Variants in CAPN6 observed in about 807,000 individuals in gnomAD.
CAPN6 encodes the protein calpain-6.
Under a neutral mutation model 46.0 loss-of-function variants are expected in CAPN6, and 16 were observed. That is an observed-to-expected ratio of 0.35 (90% CI 0.24 to 0.53). The LOEUF (loss-of-function observed/expected upper bound fraction) is 0.53, where lower values mean the gene tolerates loss of function less well. Among genes scored for constraint, CAPN6 ranks in the 20% least tolerant of loss-of-function variants. CAPN6 has a pLI of 0.94. For missense variants in CAPN6, 461 were observed against 498.0 expected (o/e 0.93, Z 0.71); for synonymous variants, 206 against 172.8 (o/e 1.19, Z -1.51).
At chrX:111,259,679 A>T (rs1380460645) in intron 2 of CAPN6, among the ~76,000 whole-genome samples, 10 of 112,123 alleles carry the variant, frequency 8.9e-5, no homozygotes. Context: ...TGAACTTAAA[A>T]CTTGACAGGA....
intron 1 of CAPN6, 137 bp from the exon 2 acceptor site, chrX:111,264,088 A>G: frequency 7.6e-6 from 3 of 392,759 alleles, no homozygotes; most frequent in Middle Eastern, 7.1e-4. Context: ...TTTAAAGGAA[A>G]TGTCACCATT....
intron 2 of CAPN6, 55 bp downstream of exon 2, chrX:111,263,717 G>A (rs1358023521): frequency 1.2e-5 from 13 of 1,048,806 alleles, no homozygotes; most frequent in East Asian, 3.1e-5. Context: ...AGTGGATCAC[G>A]TAGAAGTATG....
At chrX:111,265,669 C>T (rs939947312) in intron 1 of CAPN6, among the ~76,000 whole-genome samples, 3 of 112,023 alleles carry the variant, frequency 2.7e-5, no homozygotes, top group Non-Finnish European at 5.6e-5. Flanking sequence ...AACACTACTG[C>T]GCCTCTTGCT....
At chrX:111,251,509 G>A (rs372279081) in intron 6 of CAPN6, 40 bp downstream of exon 6, 6 of 1,083,410 alleles carry the variant, frequency 5.5e-6, no homozygotes, top group Middle Eastern at 2.9e-4. Flanking sequence ...AGAACTACAG[G>A]GCTTTGGAGA....
intron 2 of CAPN6, among the ~76,000 whole-genome samples, chrX:111,262,173 G>A (rs905572471): frequency 4.5e-5 from 5 of 111,979 alleles, no homozygotes; most frequent in Admixed American, 1.9e-4. Flanking sequence ...TTTTCTTGCA[G>A]GTCAGCTAAG....
At chrX:111,258,730 T>C (rs2094985709) in intron 2 of CAPN6, among the ~76,000 whole-genome samples, 1 of 111,970 alleles carries the variant, frequency 8.9e-6, no homozygotes. Flanking sequence ...ACTTCCAAAC[T>C]GGGCCACCAA....
chrX:111,252,911 T>C, intron 4 of CAPN6, 97 bp downstream of exon 4: 2 of 709,968 alleles, frequency 2.8e-6, no homozygotes, highest in Non-Finnish European at 4.2e-6. Context: ...CAACTTAAAC[T>C]CCAGGGTTGG....
intron 10 of CAPN6, among the ~76,000 whole-genome samples, chrX:111,248,236 A>T (rs1471605106): frequency 8.9e-6 from 1 of 112,140 alleles, no homozygotes; most frequent in Non-Finnish European, 1.9e-5. Flanking sequence ...TCCAGCACAC[A>T]GAACATAATA....
chrX:111,267,337 C>T (rs2094992744), intron 1 of CAPN6, among the ~76,000 whole-genome samples: 1 of 110,734 alleles, frequency 9.0e-6, no homozygotes, highest in Non-Finnish European at 1.9e-5. Flanking sequence ...AGGTAATGGT[C>T]TTAGGCAATA....
intron 3 of CAPN6, 149 bp downstream of exon 3, chrX:111,254,123 T>A: frequency 2.9e-6 from 2 of 683,424 alleles, no homozygotes; most frequent in Non-Finnish European, 4.3e-6. Context: ...AAACTTCTTA[T>A]AATGAAATGG....
At chrX:111,254,717 G>A (rs943719596) in intron 2 of CAPN6, among the ~76,000 whole-genome samples, 8 of 111,299 alleles carry the variant, frequency 7.2e-5, no homozygotes, top group Non-Finnish European at 1.5e-4. Context: ...TTTCACCACA[G>A]CAGTGAACTT....
At position 111,251,747 on chromosome X, in the gene CAPN6, G is replaced by A. The variant is rs1269168375; in HGVS notation, c.700-5C>T. On this transcript the variant is annotated splice_region_variant and splice_polypyrimidine_tract_variant and intron_variant, in intron 5 of 12. Transcript: ENST00000324068. ...TTGCTCCTCCTGATTGGGAGACTGA[G>A]AGCAAAGAAAGATATATAAAGGCAC... is the stretch of plus-strand genomic sequence containing the variant. 1 of 1,196,593 alleles carries A rather than the reference G, an allele frequency of 8.4e-7. No homozygotes were observed. The highest frequency in any genetic ancestry group is 1.1e-6 in the Non-Finnish European group (1 of 883,592).
chrX:111,263,004 T>C (rs1233448761), intron 2 of CAPN6, among the ~76,000 whole-genome samples: 1 of 112,209 alleles, frequency 8.9e-6, no homozygotes, highest in Non-Finnish European at 1.9e-5. Context: ...TCATTTATGC[T>C]CACTTTATAA....
intron 1 of CAPN6, among the ~76,000 whole-genome samples, chrX:111,265,639 G>A (rs1404973985): frequency 8.9e-6 from 1 of 112,019 alleles, no homozygotes; most frequent in East Asian, 2.8e-4. Flanking sequence ...CAATTTTCTT[G>A]TGTGCTCAAA....
At chrX:111,257,386 T>C (rs976894998) in intron 2 of CAPN6, among the ~76,000 whole-genome samples, 3 of 112,264 alleles carry the variant, frequency 2.7e-5, no homozygotes, top group African/African-American at 9.7e-5. Context: ...GTCTGCTCAA[T>C]TAAATTCAAT....
intron 1 of CAPN6, among the ~76,000 whole-genome samples, chrX:111,265,273 A>G (rs2094990931): frequency 8.9e-6 from 1 of 112,680 alleles, no homozygotes; most frequent in South Asian, 3.7e-4. Flanking sequence ...TTTGAAAACC[A>G]TAACAATTTT....
intron 2 of CAPN6, among the ~76,000 whole-genome samples, chrX:111,263,538 G>T (rs1280692567): frequency 9.0e-6 from 1 of 111,355 alleles, no homozygotes; most frequent in Non-Finnish European, 1.9e-5. Context: ...TTACCTGATT[G>T]TGGTAATTAT....
chrX:111,252,031 C>G (rs1399799141), intron 5 of CAPN6, among the ~76,000 whole-genome samples: 1 of 112,333 alleles, frequency 8.9e-6, no homozygotes, highest in Non-Finnish European at 1.9e-5. Context: ...GCCATAACCT[C>G]AAGATCTAGA....
At chrX:111,249,584 C>G (rs1265127911) in intron 8 of CAPN6, among the ~76,000 whole-genome samples, 1 of 110,738 alleles carries the variant, frequency 9.0e-6, no homozygotes, top group African/African-American at 3.3e-5. Context: ...GTGTCAGAGA[C>G]TTTCCAAACA....
Sources: gnomAD v4.1 joint callset for allele counts (sites outside exome capture counted in the v4.1 genomes callset) on GRCh38, gnomAD v4.1.1 for gene constraint, MANE v1.5 for transcripts, NCBI Gene and HGNC (gene_info 2026-07-23, HGNC 2026-07-21) for gene names.